The following MACF1 variants were observed in gnomAD, a reference collection of about 807,000 sequenced individuals.
MACF1 encodes the protein microtubule actin crosslinking factor 1.
Under a neutral mutation model 854.8 loss-of-function variants are expected in MACF1, and 193 were observed. The ratio of observed to expected loss-of-function variants is 0.23; its 90% confidence interval spans 0.20 to 0.25. MACF1 has a LOEUF of 0.25. Among genes scored for constraint, MACF1 ranks in the 10% least tolerant of loss-of-function variants. The pLI is 1.00. For missense variants in MACF1, 7,722 were observed against 8,929.1 expected (o/e 0.86, Z 5.45); for synonymous variants, 3,185 against 3,226.7 (o/e 0.99, Z 0.44).
intron 61 of MACF1, among the ~76,000 whole-genome samples, chr1:39,424,673 T>C (rs1247163773): frequency 6.6e-6 from 1 of 152,216 alleles, no homozygotes; most frequent in African/African-American, 2.4e-5. Context: ...AAGAGATGCA[T>C]GAACTTACCT....
chr1:39,268,607 G>A, intron 6 of MACF1: 1 of 1,191,556 alleles, frequency 8.4e-7, no homozygotes, highest in Non-Finnish European at 1.1e-6. Context: ...TTTTAAATGT[G>A]CATCGAATCC....
At chr1:39,121,585 A>T (rs1425030553) in intron 2 of MACF1, among the ~76,000 whole-genome samples, 1 of 152,040 alleles carries the variant, frequency 6.6e-6, no homozygotes, top group East Asian at 1.9e-4. Context: ...AGTAGCTGGG[A>T]CTAGGCGCGT....
upstream of MACF1, among the ~76,000 whole-genome samples, chr1:39,201,372 T>C (rs1644388107): frequency 6.6e-6 from 1 of 152,148 alleles, no homozygotes; most frequent in Non-Finnish European, 1.5e-5. Flanking sequence ...ATCCTTTTTT[T>C]TTTGAGATAG....
chr1:39,410,841 A>G, intron 58 of MACF1: 1 of 1,613,988 alleles, frequency 6.2e-7, no homozygotes, highest in Non-Finnish European at 8.5e-7. Context: ...CAGAGTCAGT[A>G]ACTCTGGAAC....
At chr1:39,222,985 C>T (rs1262929559) in intron 1 of MACF1, among the ~76,000 whole-genome samples, 1 of 152,150 alleles carries the variant, frequency 6.6e-6, no homozygotes, top group Non-Finnish European at 1.5e-5. Context: ...CAGGCCTACT[C>T]TCAAATTTCT....
chr1:39,192,314 T>A (rs1557509427), intron 2 of MACF1, among the ~76,000 whole-genome samples: 1 of 151,918 alleles, frequency 6.6e-6, no homozygotes, highest in East Asian at 1.9e-4. Context: ...GTGTTAAGAG[T>A]GAGTCACCTC....
At chr1:39,275,258 A>G (rs1645411847) in intron 6 of MACF1, among the ~76,000 whole-genome samples, 1 of 151,674 alleles carries the variant, frequency 6.6e-6, no homozygotes. Context: ...TTGTTTTTGT[A>G]TTTTTAGTAG....
Position 39,152,374 on chromosome 1 carries a change from AT to A in MACF1, c.220+67945del, listed in dbSNP as rs1431000075. Among the ~76,000 whole-genome samples the A allele has an allele frequency of 4.6e-5, 7 of 151,438 alleles. No homozygotes were observed. The East Asian group carries it at 5.8e-4, about 13-fold the overall frequency. On this transcript the variant is annotated intron_variant, in intron 2 of 93. Transcript: ENST00000361689. ...ATGGATAATTTGATTCATTGCTTTAATTTTTTTTTCTTTTTTAAACTCCATG... is the reference window on the plus strand; with the variant it reads ...ATGGATAATTTGATTCATTGCTTTAATTTTTTTTCTTTTTTAAACTCCATG...
upstream of MACF1, among the ~76,000 whole-genome samples, chr1:39,200,299 G>C (rs1012006647): frequency 2.0e-5 from 3 of 152,080 alleles, no homozygotes; most frequent in African/African-American, 7.2e-5. Context: ...GGTTGTTCTT[G>C]CTCTTCCCTA....
chr1:39,454,494 C>G (rs1029060290), intron 88 of MACF1, among the ~76,000 whole-genome samples: 1 of 152,100 alleles, frequency 6.6e-6, no homozygotes, highest in African/African-American at 2.4e-5. Flanking sequence ...TTTGGGTGGT[C>G]TCTCCTCTAA....
At chr1:39,262,569 A>C (rs960253607) in intron 6 of MACF1, among the ~76,000 whole-genome samples, 29 of 152,260 alleles carry the variant, frequency 1.9e-4, no homozygotes, top group African/African-American at 7.0e-4. Context: ...GATGGAACAC[A>C]GTATGAACTC....
chr1:39,439,655 G>C (rs1473561465), intron 72 of MACF1, among the ~76,000 whole-genome samples, 155 bp downstream of exon 72: 3 of 152,220 alleles, frequency 2.0e-5, no homozygotes, highest in Non-Finnish European at 4.4e-5. Flanking sequence ...CCCAAGGCTG[G>C]AGTGCAATGG....
intron 40 of MACF1, 80 bp downstream of exon 40, chr1:39,341,033 A>AT: frequency 2.6e-6 from 3 of 1,153,282 alleles, no homozygotes; most frequent in Non-Finnish European, 3.6e-6. Context: ...ATCCATATTT[A>AT]TCTTTTTTTT....
At chr1:39,212,573 C>A (rs1017449147) in intron 1 of MACF1, among the ~76,000 whole-genome samples, 1 of 152,140 alleles carries the variant, frequency 6.6e-6, no homozygotes, top group African/African-American at 2.4e-5. Context: ...GAAGTTGCCA[C>A]ATGTGTTCAT....
chr1:39,452,888 C>A, intron 87 of MACF1, 76 bp downstream of exon 87: 1 of 1,528,602 alleles, frequency 6.5e-7, no homozygotes, highest in Non-Finnish European at 8.9e-7. Flanking sequence ...ATGAAAGCAA[C>A]TTTTTCTTGG....
In MACF1 at chr1:39,300,333, A is replaced by G; in HGVS notation, c.2605A>G (p.Lys869Glu). The G allele has an allele frequency of 6.2e-7, 1 of 1,614,018 alleles. No homozygotes were observed. The highest frequency in any genetic ancestry group is 1.1e-5 in the South Asian group (1 of 91,030). Residue 869 changes from lysine (K) to glutamate (E), a missense_variant, in exon 22 of 101, where the codon AAG (lysine) becomes GAG (glutamate). Transcript: ENST00000564288. ...DHVLKNTISV[K>E]AVCDYRQIEI... ...TGTGTTAAAGAACACCATTTCTGTC[A>G]AGGCTGTCTGTGACTACAGGCAGAT...
At chr1:39,280,792 G>T (rs1006173781) in intron 6 of MACF1, among the ~76,000 whole-genome samples, 2 of 152,058 alleles carry the variant, frequency 1.3e-5, no homozygotes, top group Non-Finnish European at 2.9e-5. Context: ...CGGCCAGGCT[G>T]GTCTCAAACT....
chr1:39,305,423 A>G (rs1646151386), intron 23 of MACF1, among the ~76,000 whole-genome samples: 1 of 152,138 alleles, frequency 6.6e-6, no homozygotes, highest in Admixed American at 6.5e-5. Context: ...CTGTTTTAGC[A>G]GATTTTGCTG....
At chr1:39,156,378 G>A (rs988920441) in intron 2 of MACF1, among the ~76,000 whole-genome samples, 6 of 152,202 alleles carry the variant, frequency 3.9e-5, no homozygotes, top group South Asian at 2.1e-4. Context: ...CAGCACTTTT[G>A]GAAGCCAAGG....
Sources: gnomAD v4.1 joint callset for allele counts (sites outside exome capture counted in the v4.1 genomes callset) on GRCh38, gnomAD v4.1.1 for gene constraint, MANE v1.5 for transcripts, NCBI Gene and HGNC (gene_info 2026-07-23, HGNC 2026-07-21) for gene names.